The following FHIP2A variants were observed in gnomAD, a reference collection of about 807,000 sequenced individuals.
FHIP2A encodes family with sequence similarity 160 member B1.
A neutral mutation model predicts 93.5 loss-of-function variants in FHIP2A; 46 were observed. The observed-to-expected ratio is 0.49, with a 90% CI of 0.39 to 0.63. The LOEUF (loss-of-function observed/expected upper bound fraction) is 0.63. Ranked by LOEUF, FHIP2A falls within the 20% of genes least tolerant of loss-of-function variation. The pLI is 0.00. For missense variants in FHIP2A, 769 were observed against 909.7 expected, an observed-to-expected ratio of 0.85 and a Z score of 1.99; for synonymous variants, 332 against 326.5, an observed-to-expected ratio of 1.02 and a Z score of -0.18.
At chr10:114,835,662 A>G (rs2083633360) in intron 4 of FHIP2A, 21 bp downstream of exon 4, 1 of 1,346,598 alleles carries the variant, frequency 7.4e-7, no homozygotes, top group African/African-American at 1.5e-5. Context: ...CCCCCTACAT[A>G]AAATCATTTT....
downstream of FHIP2A, among the ~76,000 whole-genome samples, chr10:114,866,189 T>C (rs529168448): frequency 2.7e-5 from 4 of 149,984 alleles, no homozygotes; most frequent in East Asian, 8.1e-4. Flanking sequence ...ATTGTTCAGC[T>C]CCTACTTATA....
intron 5 of FHIP2A, among the ~76,000 whole-genome samples, chr10:114,839,178 A>G (rs576149490): frequency 1.3e-5 from 2 of 152,180 alleles, no homozygotes; most frequent in South Asian, 2.1e-4. Flanking sequence ...CCCAGGCCGT[A>G]GTGCAGTGGT....
intron 1 of FHIP2A, among the ~76,000 whole-genome samples, chr10:114,827,787 A>G (rs1257020242): frequency 5.5e-5 from 6 of 109,588 alleles, no homozygotes; most frequent in African/African-American, 2.1e-4. Flanking sequence ...ACAGAGCGAG[A>G]CTCCATCTCA....
At position 114,835,626 on chromosome 10, in the gene FHIP2A, G is replaced by C; in HGVS notation, c.384G>C (p.Val128=). The part of the protein sequence containing the change: ...IRQPLLPHIN[V]HRPVQKLIRL... ...AGCCACTACTTCCACACATTAACGTGCACAGGCCAGTGCAGGTATTTTGTT... is the reference window on the plus strand; with the variant it reads ...AGCCACTACTTCCACACATTAACGTCCACAGGCCAGTGCAGGTATTTTGTT... The change falls in exon 4 of 17, where the codon GTG becomes GTC. Residue 128 remains valine, a synonymous_variant. Transcript: ENST00000369248. 1 of 1,605,628 alleles carries C rather than the reference G, an allele frequency of 6.2e-7. No individual in the cohort carries two copies. The highest frequency in any genetic ancestry group is 1.1e-5 in the South Asian group (1 of 90,332).
intron 14 of FHIP2A, among the ~76,000 whole-genome samples, chr10:114,856,131 A>G: frequency 6.6e-6 from 1 of 152,100 alleles, no homozygotes; most frequent in Non-Finnish European, 1.5e-5. Flanking sequence ...TTAGTTAAAT[A>G]TTTATGTGAG....
At chr10:114,838,022 A>G (rs945152059) in intron 5 of FHIP2A, among the ~76,000 whole-genome samples, 8 of 152,210 alleles carry the variant, frequency 5.3e-5, no homozygotes, top group African/African-American at 1.9e-4. Flanking sequence ...TCACTTGGAT[A>G]AATACCTAGG....
In FHIP2A at chr10:114,863,397, AG is replaced by A. The variant is rs1328967483; in HGVS notation, c.*1858del. 2 of 1,044,738 alleles carry A rather than the reference AG, an allele frequency of 1.9e-6. No homozygotes were observed. Among genetic ancestry groups the A allele is most frequent in the Non-Finnish European group, 2.3e-6 (2 of 864,588 alleles). The allele number at this position is 1,044,738 out of a possible 1,614,324, so 64.7% of individuals were successfully genotyped here. A position where few individuals can be genotyped will look rare whatever the true frequency, so the allele number is the denominator to read the frequency against. On this transcript the variant is annotated 3_prime_UTR_variant, in exon 17 of 17. Transcript: ENST00000369248. ...TGTTTTCATAGTGCTCAATAGGTGT[AG>A]TAGCAATGATATTACCTCTGAAACC... is the stretch of plus-strand genomic sequence containing the variant.
intron 11 of FHIP2A, 57 bp from the exon 12 acceptor site, chr10:114,847,033 G>T (rs2083705410): frequency 5.6e-6 from 8 of 1,435,468 alleles, no homozygotes; most frequent in African/African-American, 1.4e-5. Context: ...GAATCTTTTG[G>T]TTTAGAAAAT....
At chr10:114,827,573 G>A (rs889494464) in intron 1 of FHIP2A, among the ~76,000 whole-genome samples, 3 of 152,128 alleles carry the variant, frequency 2.0e-5, no homozygotes, top group Admixed American at 6.5e-5. Context: ...CAAGGCGGGC[G>A]GATCATGAGG....
intron 16 of FHIP2A, among the ~76,000 whole-genome samples, chr10:114,896,279 G>C (rs1293702911): frequency 6.6e-6 from 1 of 151,700 alleles, no homozygotes; most frequent in Admixed American, 6.6e-5. Context: ...GGCCCTTTGG[G>C]AATGAAGGTT....
At chr10:114,883,169 A>C (rs890249349) in intron 16 of FHIP2A, among the ~76,000 whole-genome samples, 3 of 152,144 alleles carry the variant, frequency 2.0e-5, no homozygotes, top group Admixed American at 1.3e-4. Context: ...GTGACATTAC[A>C]GGGTTAGTTT....
At chr10:114,858,583 C>CTT (rs11454222) in intron 14 of FHIP2A, among the ~76,000 whole-genome samples, 31 of 140,714 alleles carry the variant, frequency 2.2e-4, no homozygotes, top group South Asian at 4.6e-4. Flanking sequence ...ATTTTTTCTA[C>CTT]TTTTTTTTTT....
In FHIP2A at chr10:114,822,032, A is replaced by C; in HGVS notation, c.-47A>C. ...CAGGGGCGGCGGCGGCGGATCGAGG[A>C]GCTCTCCAGGTCGTCCCGGGAGAGG... On this transcript the variant is annotated 5_prime_UTR_variant, in exon 1 of 17. Transcript: ENST00000369248. 8.3e-7 allele frequency: 1 copy of C among 1,211,842 alleles called. No individual in the cohort carries two copies. Among genetic ancestry groups the C allele is most frequent in the Non-Finnish European group, 1.1e-6 (1 of 947,996 alleles). The allele number at this position is 1,211,842 out of a possible 1,614,324, so 75.1% of individuals were successfully genotyped here.
chr10:114,893,439 A>G (rs148489419), intron 16 of FHIP2A, among the ~76,000 whole-genome samples: 28 of 152,290 alleles, frequency 1.8e-4, no homozygotes, highest in African/African-American at 6.3e-4. Flanking sequence ...CCAATCGGGA[A>G]CAGAGTTAGT....
At chr10:114,840,892 A>G (rs530276835) in intron 5 of FHIP2A, among the ~76,000 whole-genome samples, 1 of 152,282 alleles carries the variant, frequency 6.6e-6, no homozygotes, top group South Asian at 2.1e-4. Context: ...GGGAAGTTTA[A>G]GTTTAAGAGA....
intron 16 of FHIP2A, among the ~76,000 whole-genome samples, chr10:114,871,015 T>G (rs562844367): frequency 7.5e-6 from 1 of 133,034 alleles, no homozygotes; most frequent in Non-Finnish European, 1.7e-5. Flanking sequence ...GATTTTAGCC[T>G]CCACATATAT....
In FHIP2A at chr10:114,863,162, CAAAG is replaced by C. The variant is rs1461917261; in HGVS notation, c.*1626_*1629del. On this transcript the variant is annotated 3_prime_UTR_variant, in exon 17 of 17. Coordinates refer to ENST00000369248, the MANE Select transcript of FHIP2A (RefSeq NM_020940.4). ...ATTCTAAGAAATTTATTAAGTAAAA[CAAAG>C]AAAAAACAGAAGTGGGAGATAGTTA... 1.0e-6 allele frequency: 1 copy of C among 977,754 alleles called. No homozygotes were observed. The highest frequency in any genetic ancestry group is 1.2e-6 in the Non-Finnish European group (1 of 823,176). 60.6% of individuals were successfully genotyped at this position (977,754 alleles called of 1,614,324 possible). A position where few individuals can be genotyped will look rare whatever the true frequency, so the allele number is the denominator to read the frequency against.
chr10:114,863,275 G>A lies in FHIP2A; in HGVS notation c.*1735G>A. On this transcript the variant is annotated 3_prime_UTR_variant, in exon 17 of 17. Transcript: ENST00000369248. The stretch of plus-strand genomic sequence containing the variant: ...TATTTTTTTAATCACTTCATACAAG[G>A]AAAACTTCGACATTTACATTTCTAG... 1 of 983,722 alleles carries A rather than the reference G, an allele frequency of 1.0e-6. No homozygotes were observed. The highest frequency in any genetic ancestry group is 1.2e-6 in the Non-Finnish European group (1 of 828,464). The allele number at this position is 983,722 out of a possible 1,614,324, so 60.9% of individuals were successfully genotyped here.
chr10:114,883,722 C>T (rs2083928008), intron 16 of FHIP2A, among the ~76,000 whole-genome samples: 1 of 152,168 alleles, frequency 6.6e-6, no homozygotes, highest in Admixed American at 6.5e-5. Flanking sequence ...GCTGGGACTA[C>T]AGGCATGCAC....
Sources: gnomAD v4.1 joint callset for allele counts (sites outside exome capture counted in the v4.1 genomes callset) on GRCh38, gnomAD v4.1.1 for gene constraint, MANE v1.5 for transcripts, NCBI Gene and HGNC (gene_info 2026-07-23, HGNC 2026-07-21) for gene names.